ZNF486: variants seen among roughly 807,000 people sequenced by gnomAD.
The protein encoded by ZNF486 is zinc finger protein 486.
In ZNF486, 12 loss-of-function variants were observed where a neutral mutation model predicts 12.8. That is an observed-to-expected ratio of 0.94 (90% confidence interval 0.60 to 1.52). ZNF486 has a LOEUF of 1.52. Among genes scored for constraint, ZNF486 ranks in the 40% most tolerant of loss-of-function variants. ZNF486 has a pLI of 0.00. For missense variants in ZNF486, 738 were observed against 545.0 expected, an observed-to-expected ratio of 1.35 and a Z score of -3.53; for synonymous variants, 231 against 184.9, an observed-to-expected ratio of 1.25 and a Z score of -2.02.
chr19:20,197,424 C>CA lies in ZNF486; in HGVS notation c.717dup (p.Cys240MetfsTer2), dbSNP rs2089970447. The CA allele has an allele frequency of 6.2e-7, 1 of 1,613,618 alleles. No individual in the cohort carries two copies. On this transcript the variant is annotated frameshift_variant, in exon 4 of 4. Transcript: ENST00000335117. LOFTEE classifies it low-confidence loss of function (END_TRUNC). ...TAACTCATACTAGAGAGAAACCCTA[C>CA]AAATGTGAAGAATGTGGCAAAGTCT...
chr19:20,194,665 T>A (rs1555717628), intron 3 of ZNF486, among the ~76,000 whole-genome samples: 1 of 152,014 alleles, frequency 6.6e-6, no homozygotes, highest in East Asian at 1.9e-4. Context: ...GAGTTGGAGG[T>A]TGCAGTGAGC....
chr19:20,187,635 G>T (rs2089863507), intron 3 of ZNF486, among the ~76,000 whole-genome samples: 1 of 151,216 alleles, frequency 6.6e-6, no homozygotes. Context: ...CCGAGTAGCT[G>T]GGACTACAGG....
intron 1 of ZNF486, among the ~76,000 whole-genome samples, chr19:20,181,265 C>T (rs998876260): frequency 2.6e-5 from 4 of 151,570 alleles, no homozygotes; most frequent in Admixed American, 6.6e-5. Flanking sequence ...ATAGTCCGGG[C>T]GCGGTGGCTC....
chr19:20,175,648 G>A (rs1386072391), intron 1 of ZNF486, among the ~76,000 whole-genome samples: 4 of 152,046 alleles, frequency 2.6e-5, no homozygotes, highest in Admixed American at 2.6e-4. Context: ...AGGGTTGGGG[G>A]TAAGGTCAGA....
rs28828686 is a variant in ZNF486 at position 20,189,067 on chromosome 19, T to C, written c.253+2985T>C. Among the ~76,000 whole-genome samples, 964 of 152,264 alleles carry C rather than the reference T, an allele frequency of 6.3e-3. 9 individuals carry two copies. The highest frequency in any genetic ancestry group is 0.022 in the African/African-American group (917 of 41,552). ...TGGATTTTCAAATATGTCTTCCAGG[T>C]CCTGTGTTGCTTTTCTTTTTTTCTA... On this transcript the variant is annotated intron_variant, in intron 3 of 3. Transcript: ENST00000335117.
In ZNF486 at chr19:20,198,048, C is replaced by G; in HGVS notation, c.1338C>G (p.Ser446=). ...CKECGKAFNW[S]SDLNKHKRIH... ...AATGTGGCAAAGCTTTTAACTGGTC[C>G]TCAGACCTTAATAAACATAAGAGAA... The change falls in exon 4 of 4, where the codon TCC becomes TCG. Residue 446 remains serine, a synonymous_variant. Transcript: ENST00000335117. 2 of 1,611,294 alleles carry G rather than the reference C, an allele frequency of 1.2e-6. No individual in the cohort carries two copies. Among genetic ancestry groups the G allele is most frequent in the Middle Eastern group, 1.7e-4 (1 of 6,056 alleles).
chr19:20,175,476 C>T (rs549110858), intron 1 of ZNF486: 140 of 153,940 alleles, frequency 9.1e-4, no homozygotes, highest in Non-Finnish European at 1.8e-3. Flanking sequence ...GAGGACCCTG[C>T]GGCCTTCCGC....
chr19:20,180,346 C>A (rs2089770933), intron 1 of ZNF486, among the ~76,000 whole-genome samples: 1 of 152,076 alleles, frequency 6.6e-6, no homozygotes, highest in African/African-American at 2.4e-5. Context: ...AAACTAGTTG[C>A]TTCCATTTCA....
intron 3 of ZNF486, among the ~76,000 whole-genome samples, chr19:20,191,626 C>A (rs1403730142): frequency 6.7e-6 from 1 of 150,350 alleles, no homozygotes; most frequent in African/African-American, 2.4e-5. Flanking sequence ...AAAAATTAGC[C>A]GGGCATGGTG....
chr19:20,171,601 C>G (rs538196366), intron 1 of ZNF486, among the ~76,000 whole-genome samples: 1 of 152,248 alleles, frequency 6.6e-6, no homozygotes. Flanking sequence ...ATAATTTCAT[C>G]TGCCTACATG....
chr19:20,187,754 C>T (rs575383777), intron 3 of ZNF486, among the ~76,000 whole-genome samples: 53 of 152,182 alleles, frequency 3.5e-4, no homozygotes, highest in Non-Finnish European at 2.2e-4. Flanking sequence ...CCATCCGCCT[C>T]GGCCTCCCAA....
At chr19:20,189,675 T>C (rs915097635) in intron 3 of ZNF486, among the ~76,000 whole-genome samples, 3 of 152,228 alleles carry the variant, frequency 2.0e-5, no homozygotes, top group Non-Finnish European at 4.4e-5. Context: ...TAAATCAAGT[T>C]ATTGAACTTT....
At chr19:20,187,560 G>A (rs1313538844) in intron 3 of ZNF486, among the ~76,000 whole-genome samples, 1 of 143,378 alleles carries the variant, frequency 7.0e-6, no homozygotes, top group Admixed American at 7.2e-5. Context: ...GCAGTGCAGT[G>A]GTGCAGTCTC....
intron 1 of ZNF486, among the ~76,000 whole-genome samples, chr19:20,179,480 C>T (rs961664219): frequency 6.6e-6 from 1 of 152,100 alleles, no homozygotes; most frequent in Non-Finnish European, 1.5e-5. Context: ...TGTTATGTCA[C>T]CTTTTTTTTA....
In ZNF486 at chr19:20,169,558, T is replaced by C. The variant is rs543702316; in HGVS notation, c.30+2198T>C. On this transcript the variant is annotated intron_variant, in intron 1 of 3. Coordinates refer to ENST00000335117, the MANE Select transcript of ZNF486 (RefSeq NM_052852.4). ...GCTGGAGCCCCACAGGTAGTTAAGATTAAGGTGAAAGGAAACTGGGAGGGT... is the reference window on the plus strand; with the variant it reads ...GCTGGAGCCCCACAGGTAGTTAAGACTAAGGTGAAAGGAAACTGGGAGGGT... Among the ~76,000 whole-genome samples the C allele has an allele frequency of 3.9e-5, 6 of 152,242 alleles. No homozygotes were observed. In the South Asian group the frequency reaches 1.2e-3, roughly 32 times the overall value.
At chr19:20,167,687 G>A (rs1330720663) in intron 1 of ZNF486, among the ~76,000 whole-genome samples, 6 of 152,166 alleles carry the variant, frequency 3.9e-5, no homozygotes, top group Non-Finnish European at 8.8e-5. Flanking sequence ...GACTCGGGGT[G>A]CGGGTTCACG....
chr19:20,174,772 T>C (rs920457778), intron 1 of ZNF486, among the ~76,000 whole-genome samples: 4 of 152,244 alleles, frequency 2.6e-5, no homozygotes, highest in Admixed American at 2.0e-4. Context: ...AATTTATACT[T>C]TTGAAATATA....
chr19:20,193,021 G>C lies in ZNF486; in HGVS notation c.254-3943G>C, dbSNP rs907059279. 2.7e-5 allele frequency among the ~76,000 whole-genome samples: 4 copies of C among 150,296 alleles called. No individual in the cohort carries two copies. The East Asian group carries it at 5.8e-4, about 22-fold the overall frequency. On this transcript the variant is annotated intron_variant, in intron 3 of 3. Coordinates refer to ENST00000335117, the MANE Select transcript of ZNF486 (RefSeq NM_052852.4). ...ACTTTCTTAATTTTCATTTTATTTT[G>C]TACTGGCATGCTTTCATTACTTTTT...
chr19:20,196,150 G>T (rs904713182), intron 3 of ZNF486, among the ~76,000 whole-genome samples: 48 of 152,008 alleles, frequency 3.2e-4, no homozygotes, highest in African/African-American at 1.2e-3. Context: ...TCCCAAATAG[G>T]ATTACAGGTA....
Sources: allele counts gnomAD v4.1 joint callset (sites outside exome capture counted in the v4.1 genomes callset), GRCh38; gene constraint gnomAD v4.1.1; transcripts MANE v1.5; gene names NCBI Gene and HGNC (gene_info 2026-07-23, HGNC 2026-07-21).